The following CNTNAP5 variants were observed in gnomAD, a reference collection of about 807,000 sequenced individuals.
CNTNAP5 encodes contactin-associated protein-like 5.
CNTNAP5 carries 72 observed loss-of-function variants against 150.2 expected under a neutral mutation model. The ratio of observed to expected loss-of-function variants is 0.48; its 90% CI spans 0.40 to 0.58. The LOEUF is 0.58. CNTNAP5 is among the 20% of genes least tolerant of loss of function. CNTNAP5 has a pLI of 0.00. For missense variants in CNTNAP5, 1,636 were observed against 1,626.2 expected (o/e 1.01, Z -0.10); for synonymous variants, 672 against 619.8 (o/e 1.08, Z -1.25).
intron 17 of CNTNAP5, among the ~76,000 whole-genome samples, chr2:124,780,791 C>G (rs1013139469): frequency 6.6e-6 from 1 of 152,194 alleles, no homozygotes. Context: ...GCTGACCACA[C>G]TCCTAACACA....
At chr2:124,264,727 T>A (rs1385472258) in intron 3 of CNTNAP5, among the ~76,000 whole-genome samples, 2 of 152,162 alleles carry the variant, frequency 1.3e-5, no homozygotes, top group Non-Finnish European at 2.9e-5. Flanking sequence ...CTGCAGTGGT[T>A]TTGTGGCTTT....
rs59897587 is a variant in CNTNAP5, at chr2:124,698,375, T to TACAC, written c.2078-48825_2078-48822dup. Among the ~76,000 whole-genome samples the TACAC allele has an allele frequency of 9.9e-3, 1,458 of 147,408 alleles. 22 individuals carry two copies. The highest frequency in any genetic ancestry group is 0.03 in the African/African-American group (1,208 of 39,804). On this transcript the variant is annotated intron_variant, in intron 13 of 23. Transcript: ENST00000682447. Reference sequence around the variant, plus strand: ...TAATATGCCCAAGTAGACGAGAGGATACACACACACACACACACACACACA... The same window carrying TACAC: ...TAATATGCCCAAGTAGACGAGAGGATACACACACACACACACACACACACACACA...
intron 3 of CNTNAP5, among the ~76,000 whole-genome samples, chr2:124,406,153 A>G (rs1366416715): frequency 1.3e-5 from 2 of 152,222 alleles, no homozygotes; most frequent in Non-Finnish European, 2.9e-5. Flanking sequence ...TAGATAATTT[A>G]TTATTGATTC....
Position 124,713,300 on chromosome 2 carries a change from TCTTCTTTCTCTTTCTTTC to T in CNTNAP5, c.2078-33925_2078-33908del, listed in dbSNP as rs1558746825. On this transcript the variant is annotated intron_variant, in intron 13 of 23. Transcript: ENST00000682447. Reference sequence around the variant, plus strand: ...TTCTTTCTTTCTTTCTTTCTTTCTTTCTTCTTTCTCTTTCTTTCCTTTCTTTCTTTCTTTCTTTCTTTC... The same window carrying T: ...TTCTTTCTTTCTTTCTTTCTTTCTTTCTTTCTTTCTTTCTTTCTTTCTTTC... 4.6e-4 allele frequency among the ~76,000 whole-genome samples: 56 copies of T among 123,018 alleles called. 1 individual carries two copies. The highest frequency in any genetic ancestry group is 2.4e-3 in the East Asian group (9 of 3,760). The allele number at this position is 123,018 out of a possible 152,430, so 80.7% of individuals were successfully genotyped here. A position where few individuals can be genotyped will look rare whatever the true frequency, so the allele number is the denominator to read the frequency against.
chr2:124,770,626 C>T (rs1323193024), intron 16 of CNTNAP5, among the ~76,000 whole-genome samples: 2 of 152,138 alleles, frequency 1.3e-5, no homozygotes, highest in Admixed American at 6.6e-5. Context: ...CACTGGTGAT[C>T]TGAATAAGAA....
At chr2:124,455,333 T>A (rs755695694) in intron 6 of CNTNAP5, among the ~76,000 whole-genome samples, 1 of 152,068 alleles carries the variant, frequency 6.6e-6, no homozygotes, top group Non-Finnish European at 1.5e-5. Context: ...AGATACAACC[T>A]TCCTAGCTTA....
chr2:124,256,017 TG>T (rs1687305236), intron 3 of CNTNAP5, among the ~76,000 whole-genome samples: 1 of 152,152 alleles, frequency 6.6e-6, no homozygotes, highest in South Asian at 2.1e-4. Flanking sequence ...ATAACAGAAA[TG>T]TCATCAGTTT....
At chr2:124,895,829 G>A (rs62173299) in intron 21 of CNTNAP5, among the ~76,000 whole-genome samples, 10 of 151,434 alleles carry the variant, frequency 6.6e-5, no homozygotes, top group African/African-American at 2.2e-4. Flanking sequence ...AGGGAGGGGT[G>A]CTCCTTAGGA....
intron 1 of CNTNAP5, among the ~76,000 whole-genome samples, chr2:124,148,959 C>T (rs1684335230): frequency 6.6e-6 from 1 of 151,924 alleles, no homozygotes; most frequent in Non-Finnish European, 1.5e-5. Context: ...GGCACACACA[C>T]TCAAATATAT....
At chr2:124,107,967 C>T (rs1683205193) in intron 1 of CNTNAP5, among the ~76,000 whole-genome samples, 1 of 152,190 alleles carries the variant, frequency 6.6e-6, no homozygotes, top group African/African-American at 2.4e-5. Context: ...CAAAAGGTTG[C>T]ATTATTTTGA....
rs578228539 is a variant in CNTNAP5 at position 124,263,515 on chromosome 2, T to C, written c.381+21122T>C. On this transcript the variant is annotated intron_variant, in intron 3 of 23. Coordinates refer to ENST00000682447, the MANE Select transcript of CNTNAP5 (RefSeq NM_001367498.1). Reference sequence around the variant, plus strand: ...ATGGGATTGTTTTTTTTCTTGTAAATTTGTTTGAGTTCTTTGTAGATTCTG... The same window carrying C: ...ATGGGATTGTTTTTTTTCTTGTAAACTTGTTTGAGTTCTTTGTAGATTCTG... Among the ~76,000 whole-genome samples the C allele has an allele frequency of 2.0e-3, 306 of 151,940 alleles. 1 individual carries two copies. The highest frequency in any genetic ancestry group is 4.7e-3 in the Admixed American group (72 of 15,266).
intron 12 of CNTNAP5, among the ~76,000 whole-genome samples, chr2:124,625,105 A>C (rs73952844): frequency 0.013 from 2,024 of 152,192 alleles, 46 homozygotes; most frequent in African/African-American, 0.046. Context: ...CCTGTGTCCA[A>C]ACAGAATTCC....
At chr2:124,337,107 G>A (rs942529723) in intron 3 of CNTNAP5, among the ~76,000 whole-genome samples, 1 of 152,114 alleles carries the variant, frequency 6.6e-6, no homozygotes, top group Non-Finnish European at 1.5e-5. Context: ...GTTTTGATTT[G>A]CATTTCTCTG....
intron 1 of CNTNAP5, among the ~76,000 whole-genome samples, chr2:124,126,014 A>C (rs1031584920): frequency 1.9e-4 from 29 of 152,206 alleles, no homozygotes; most frequent in African/African-American, 6.5e-4. Flanking sequence ...CTGCAGAAGC[A>C]AGAGCAAACA....
intron 21 of CNTNAP5, among the ~76,000 whole-genome samples, chr2:124,894,944 T>G (rs1678272276): frequency 6.6e-6 from 1 of 151,358 alleles, no homozygotes; most frequent in Non-Finnish European, 1.5e-5. Context: ...AGTTTTAAAT[T>G]TGGTTATGTA....
chr2:124,471,738 T>C (rs968051495), intron 6 of CNTNAP5, among the ~76,000 whole-genome samples: 8 of 152,058 alleles, frequency 5.3e-5, no homozygotes, highest in Admixed American at 5.2e-4. Context: ...GGTATGTTCC[T>C]TCCATATCTA....
intron 21 of CNTNAP5, among the ~76,000 whole-genome samples, chr2:124,901,450 G>C (rs903125452): frequency 6.8e-6 from 1 of 147,602 alleles, no homozygotes; most frequent in East Asian, 1.9e-4. Context: ...ATGAAAGAAA[G>C]GCACAGAGAA....
chr2:124,115,105 C>A (rs1683392402), intron 1 of CNTNAP5, among the ~76,000 whole-genome samples: 1 of 151,724 alleles, frequency 6.6e-6, no homozygotes, highest in Non-Finnish European at 1.5e-5. Context: ...ATCAAGGATT[C>A]TACATATCTT....
chr2:124,512,931 A>G lies in CNTNAP5; in HGVS notation c.1327+8375A>G, dbSNP rs542344656. Among the ~76,000 whole-genome samples the G allele has an allele frequency of 6.6e-5, 10 of 152,310 alleles. No homozygotes were observed. The East Asian group carries it at 1.7e-3, about 27-fold the overall frequency. ...AAATAAAATATGTCATCCTGTAGCT[A>G]TGGTCAACATGACACCCTTAGCTTT... On this transcript the variant is annotated intron_variant, in intron 8 of 23. Coordinates refer to ENST00000682447, the MANE Select transcript of CNTNAP5 (RefSeq NM_001367498.1).
Sources: gnomAD v4.1 joint callset for allele counts (sites outside exome capture counted in the v4.1 genomes callset) on GRCh38, gnomAD v4.1.1 for gene constraint, MANE v1.5 for transcripts, NCBI Gene and HGNC (gene_info 2026-07-23, HGNC 2026-07-21) for gene names.